Variants in DIS3L2 observed in about 807,000 individuals in gnomAD.
The protein encoded by DIS3L2 is DIS3 like 3'-5' exoribonuclease 2.
A neutral mutation model predicts 97.5 loss-of-function variants in DIS3L2; 34 were observed. The ratio of observed to expected loss-of-function variants is 0.35; its 90% confidence interval spans 0.27 to 0.46. DIS3L2 has a LOEUF of 0.46. Ranked by LOEUF, DIS3L2 falls within the 20% of genes least tolerant of loss-of-function variation. The probability of loss-of-function intolerance (pLI) is 1.00; values close to 1 mark genes in which losing one functional copy is unlikely to be tolerated. For missense variants in DIS3L2, 1,038 were observed against 1,146.0 expected (o/e 0.91, Z 1.36); for synonymous variants, 435 against 445.2 (o/e 0.98, Z 0.29).
At chr2:232,193,552 A>G (rs1691671370) in intron 9 of DIS3L2, among the ~76,000 whole-genome samples, 1 of 152,194 alleles carries the variant, frequency 6.6e-6, no homozygotes, top group East Asian at 1.9e-4. Flanking sequence ...TGTTTAAGTC[A>G]TATGAGGAGT....
At chr2:232,115,397 A>G (rs1382726659) in intron 6 of DIS3L2, among the ~76,000 whole-genome samples, 4 of 152,214 alleles carry the variant, frequency 2.6e-5, no homozygotes, top group Non-Finnish European at 4.4e-5. Flanking sequence ...ATACGAATGT[A>G]TTGAAAGAGA....
intron 12 of DIS3L2, among the ~76,000 whole-genome samples, chr2:232,256,254 C>A (rs80329434): frequency 3.9e-5 from 6 of 152,236 alleles, no homozygotes; most frequent in African/African-American, 1.4e-4. Context: ...CCTCTCATGT[C>A]CTGGAGCATT....
At chr2:232,180,905 C>CT (rs1188617142) in intron 9 of DIS3L2, among the ~76,000 whole-genome samples, 2 of 10,616 alleles carry the variant, frequency 1.9e-4, no homozygotes, top group Non-Finnish European at 4.1e-4. Context: ...TCTTCCTAGT[C>CT]TCGATGGTCT....
At chr2:232,019,136 A>T (rs141821248) in intron 3 of DIS3L2, among the ~76,000 whole-genome samples, 61 of 152,294 alleles carry the variant, frequency 4.0e-4, no homozygotes, top group African/African-American at 1.4e-3. Flanking sequence ...CTTAGTCATG[A>T]TGTCGGAGTT....
intron 4 of DIS3L2, among the ~76,000 whole-genome samples, chr2:232,025,162 A>G (rs1694623370): frequency 6.6e-6 from 1 of 152,194 alleles, no homozygotes. Flanking sequence ...TGTACTTTAT[A>G]AATGTCATTA....
chr2:232,024,348 A>G lies in DIS3L2; in HGVS notation c.264+18A>G, dbSNP rs769166298. The G allele has an allele frequency of 8.3e-6, 13 of 1,567,870 alleles. No homozygotes were observed. The Admixed American group carries it at 2.3e-4, about 28-fold the overall frequency. ...CTTCCCCGGTAAGTTCAATAAATTT[A>G]TAATAAACTTTATGTCACATTTAAT... On this transcript the variant is annotated intron_variant, in intron 4 of 20. Transcript: ENST00000325385.
chr2:232,186,692 A>C (rs1015606018), intron 9 of DIS3L2, among the ~76,000 whole-genome samples: 3 of 152,194 alleles, frequency 2.0e-5, no homozygotes, highest in African/African-American at 7.2e-5. Context: ...AAAGAATTCT[A>C]TTGCTATTAC....
intron 13 of DIS3L2, among the ~76,000 whole-genome samples, chr2:232,284,932 T>C (rs140740826): frequency 3.5e-4 from 53 of 152,212 alleles, no homozygotes; most frequent in African/African-American, 1.3e-3. Context: ...CCCACAGAAC[T>C]GTGAAAGGAG....
intron 9 of DIS3L2, among the ~76,000 whole-genome samples, chr2:232,196,028 G>T (rs554735012): frequency 6.6e-6 from 1 of 152,236 alleles, no homozygotes; most frequent in African/African-American, 2.4e-5. Flanking sequence ...CAGCTTGGAG[G>T]TTAAAGGCAA....
At chr2:232,085,781 G>C (rs1696560065) in intron 5 of DIS3L2, among the ~76,000 whole-genome samples, 1 of 152,036 alleles carries the variant, frequency 6.6e-6, no homozygotes, top group Admixed American at 6.5e-5. Flanking sequence ...AAATGGATTA[G>C]TATCTGGATT....
At chr2:232,026,467 C>T (rs1007098217) in intron 4 of DIS3L2, among the ~76,000 whole-genome samples, 1 of 152,038 alleles carries the variant, frequency 6.6e-6, no homozygotes, top group Non-Finnish European at 1.5e-5. Flanking sequence ...CAAACGTGGG[C>T]ATCCTATCCC....
At chr2:232,062,491 C>T (rs1695740284) in intron 5 of DIS3L2, among the ~76,000 whole-genome samples, 1 of 152,152 alleles carries the variant, frequency 6.6e-6, no homozygotes, top group Admixed American at 6.5e-5. Flanking sequence ...GTACTACTAT[C>T]ATTATTGTTC....
rs1321129252 is a variant in DIS3L2, at chr2:232,249,034, TC to T, written c.1318-202del. Among the ~76,000 whole-genome samples the T allele has an allele frequency of 2.6e-5, 4 of 152,342 alleles. No homozygotes were observed. The East Asian group carries it at 7.7e-4, about 29-fold the overall frequency. On this transcript the variant is annotated intron_variant, in intron 11 of 20. Coordinates refer to ENST00000325385, the MANE Select transcript of DIS3L2 (RefSeq NM_152383.5). ...CTTCCCTTACCAGTTCTCCTCACTTTCCCAGCTCATATTCCTATTTGACTCT... is the reference window on the plus strand; with the variant it reads ...CTTCCCTTACCAGTTCTCCTCACTTTCCAGCTCATATTCCTATTTGACTCT...
rs1241361532 is a variant in DIS3L2 at position 232,148,757 on chromosome 2, T to C, written c.950+12038T>C. Among the ~76,000 whole-genome samples, 5 of 146,784 alleles carry C rather than the reference T, an allele frequency of 3.4e-5. No homozygotes were observed. The East Asian group carries it at 7.8e-4, about 23-fold the overall frequency. ...CTCCTTAATTTTCTTTCTTTTTTTT[T>C]TTTTTTTTTTTTTTTACACAGCCTT... On this transcript the variant is annotated intron_variant, in intron 8 of 20. Coordinates refer to ENST00000325385, the MANE Select transcript of DIS3L2 (RefSeq NM_152383.5).
chr2:232,257,291 A>G (rs1693591887), intron 12 of DIS3L2, among the ~76,000 whole-genome samples: 1 of 152,088 alleles, frequency 6.6e-6, no homozygotes, highest in African/African-American at 2.4e-5. Context: ...CTCTGCAGTT[A>G]CTAGGACCTT....
At chr2:232,279,021 T>TC (rs1163689657) in intron 13 of DIS3L2, among the ~76,000 whole-genome samples, 1 of 152,232 alleles carries the variant, frequency 6.6e-6, no homozygotes, top group Non-Finnish European at 1.5e-5. Flanking sequence ...CACTGCAACC[T>TC]CCGCCTCCTG....
chr2:232,074,088 T>C (rs2106290326), intron 5 of DIS3L2, among the ~76,000 whole-genome samples: 1 of 152,366 alleles, frequency 6.6e-6, no homozygotes. Context: ...TGCATTTATA[T>C]TGAAAACTGG....
At chr2:232,079,143 G>A (rs1198504023) in intron 5 of DIS3L2, among the ~76,000 whole-genome samples, 3 of 152,170 alleles carry the variant, frequency 2.0e-5, no homozygotes, top group Non-Finnish European at 4.4e-5. Flanking sequence ...GATTCTGTTA[G>A]CATGTATTTC....
rs751533844 is a variant in DIS3L2 at position 232,279,510 on chromosome 2, GTT to G, written c.1659+16072_1659+16073del. 3.5e-3 allele frequency among the ~76,000 whole-genome samples: 188 copies of G among 53,832 alleles called. 3 individuals carry two copies. Among genetic ancestry groups the G allele is most frequent in the Middle Eastern group, 6.8e-3 (1 of 148 alleles). The allele number at this position is 53,832 out of a possible 152,430, so 35.3% of individuals were successfully genotyped here. A position where few individuals can be genotyped will look rare whatever the true frequency, so the allele number is the denominator to read the frequency against. On this transcript the variant is annotated intron_variant, in intron 13 of 20. Transcript: ENST00000325385. ...GTTTGGAGAATTGGTGTGTGTGTTT[GTT>G]TGTTTGTTTGTTTGTTTGTTTGTTT...
Sources: gnomAD v4.1 joint callset for allele counts (sites outside exome capture counted in the v4.1 genomes callset) on GRCh38, gnomAD v4.1.1 for gene constraint, MANE v1.5 for transcripts, NCBI Gene and HGNC (gene_info 2026-07-23, HGNC 2026-07-21) for gene names.